Variants in CTDSPL observed in about 807,000 individuals in gnomAD.
CTDSPL encodes CTD small phosphatase like, also known as CTD small phosphatase-like protein.
CTDSPL carries 8 observed loss-of-function variants against 30.5 expected under a neutral mutation model. That is an observed-to-expected ratio of 0.26 (90% CI 0.15 to 0.47). CTDSPL has a LOEUF of 0.47. Ranked by LOEUF, CTDSPL falls within the 20% of genes least tolerant of loss-of-function variation. The pLI, the probability that CTDSPL is intolerant of heterozygous loss-of-function variation, is 0.99. For missense variants in CTDSPL, 248 were observed against 366.1 expected, an observed-to-expected ratio of 0.68 and a Z score of 2.63; for synonymous variants, 110 against 137.9, an observed-to-expected ratio of 0.80 and a Z score of 1.42.
At chr3:37,957,088 A>G (rs766180666) in intron 2 of CTDSPL, 23 bp from the exon 3 acceptor site, 2 of 1,512,610 alleles carry the variant, frequency 1.3e-6, no homozygotes, top group Non-Finnish European at 1.8e-6. Flanking sequence ...CCTGACAATG[A>G]TTTTTTTTTT....
intron 1 of CTDSPL, among the ~76,000 whole-genome samples, chr3:37,874,753 T>C (rs1023997762): frequency 1.3e-5 from 2 of 151,580 alleles, no homozygotes; most frequent in Non-Finnish European, 2.9e-5. Flanking sequence ...ATAATAATAA[T>C]AAATAAATAC....
At chr3:37,863,080 T>TG (rs1311629032) in intron 1 of CTDSPL, among the ~76,000 whole-genome samples, 2 of 152,110 alleles carry the variant, frequency 1.3e-5, no homozygotes, top group Admixed American at 1.3e-4. Flanking sequence ...TGCTGGAGTC[T>TG]GGGGGGGAGA....
At chr3:37,879,225 G>A (rs184440430) in intron 1 of CTDSPL, among the ~76,000 whole-genome samples, 4 of 152,346 alleles carry the variant, frequency 2.6e-5, no homozygotes, top group Admixed American at 1.3e-4. Flanking sequence ...TCACAATTCT[G>A]ATGGCCAACA....
intron 1 of CTDSPL, among the ~76,000 whole-genome samples, chr3:37,873,061 T>A (rs1053865536): frequency 1.3e-5 from 2 of 152,156 alleles, no homozygotes; most frequent in African/African-American, 4.8e-5. Context: ...GGAGTAGAAG[T>A]CCAAGGTGGC....
chr3:37,868,823 A>T (rs193256245), intron 1 of CTDSPL, among the ~76,000 whole-genome samples: 1 of 152,236 alleles, frequency 6.6e-6, no homozygotes, highest in East Asian at 1.9e-4. Flanking sequence ...ATAATAAGTC[A>T]TGATATAGAG....
intron 7 of CTDSPL, among the ~76,000 whole-genome samples, chr3:37,976,299 G>A (rs1341054378): frequency 1.3e-5 from 2 of 152,140 alleles, no homozygotes; most frequent in African/African-American, 4.8e-5. Context: ...CATGACCCCT[G>A]TAGACTAAGG....
At chr3:37,968,499 T>C (rs1316410045) in intron 5 of CTDSPL, 6 of 242,398 alleles carry the variant, frequency 2.5e-5, no homozygotes, top group Non-Finnish European at 3.4e-5. Flanking sequence ...AATAACTTCA[T>C]TTATGAACAA....
intron 4 of CTDSPL, among the ~76,000 whole-genome samples, chr3:37,966,664 T>C (rs1026338900): frequency 2.6e-5 from 4 of 152,250 alleles, no homozygotes; most frequent in Non-Finnish European, 4.4e-5. Context: ...GATCATAAGC[T>C]AAGTGCTTAG....
At chr3:37,919,576 G>T (rs1698689810) in intron 1 of CTDSPL, among the ~76,000 whole-genome samples, 1 of 152,204 alleles carries the variant, frequency 6.6e-6, no homozygotes, top group African/African-American at 2.4e-5. Context: ...ATAGTAGTAG[G>T]AGTTTTCTAA....
At chr3:37,938,858 ACTTT>A (rs1401736869) in intron 1 of CTDSPL, among the ~76,000 whole-genome samples, 2 of 149,136 alleles carry the variant, frequency 1.3e-5, no homozygotes, top group Non-Finnish European at 3.0e-5. Context: ...TAATTACAAC[ACTTT>A]CTTTCTAACC....
chr3:37,951,678 C>G lies in CTDSPL; in HGVS notation c.234+4467C>G, dbSNP rs1699109909. ...CCTGGGTGACAGAGCAAGATCCTGT[C>G]TCAAAAAGCAATGTAGAAATAAATA... On this transcript the variant is annotated intron_variant, in intron 2 of 7. Coordinates refer to ENST00000273179, the MANE Select transcript of CTDSPL (RefSeq NM_001008392.2). Among the ~76,000 whole-genome samples the G allele has an allele frequency of 2.6e-5, 4 of 151,864 alleles. No individual in the cohort carries two copies. In the South Asian group the frequency reaches 8.4e-4, roughly 32 times the overall value.
At chr3:37,945,575 C>T (rs191807596) in intron 1 of CTDSPL, among the ~76,000 whole-genome samples, 8 of 152,348 alleles carry the variant, frequency 5.3e-5, no homozygotes, top group Admixed American at 2.0e-4. Flanking sequence ...GCATGCCTGG[C>T]GGTCCCAATG....
Position 37,862,223 on chromosome 3 carries a change from C to T in CTDSPL, c.24C>T (p.Thr8=), listed in dbSNP as rs746389570. The T allele has an allele frequency of 6.8e-7, 1 of 1,470,544 alleles. No homozygotes were observed. Among genetic ancestry groups the T allele is most frequent in the South Asian group, 1.3e-5 (1 of 77,388 alleles). 91.1% of individuals were successfully genotyped at this position (1,470,544 alleles called of 1,614,324 possible). Residue 8 remains threonine, a synonymous_variant, in exon 1 of 8, where the codon ACC becomes ACT. Transcript: ENST00000273179. This position sits in a 1 kb window ranked among gnomAD's most constrained non-coding sequence, Gnocchi z 4.3. MDGPAII[T]QVTNPKEDEG... ...CCATGGACGGCCCGGCCATCATCAC[C>T]CAGGTGACCAACCCCAAGGAGGACG...
At chr3:37,941,531 A>C (rs1402317802) in intron 1 of CTDSPL, among the ~76,000 whole-genome samples, 1 of 148,236 alleles carries the variant, frequency 6.7e-6, no homozygotes, top group East Asian at 2.0e-4. Context: ...CTGGGATTAC[A>C]GGGGCCCGCC....
chr3:37,862,324 C>A lies in CTDSPL; in HGVS notation c.79+46C>A. The A allele has an allele frequency of 7.1e-7, 1 of 1,418,306 alleles. No homozygotes were observed. Among genetic ancestry groups the A allele is most frequent in the South Asian group, 1.4e-5 (1 of 69,204 alleles). The allele number at this position is 1,418,306 out of a possible 1,614,324, so 87.9% of individuals were successfully genotyped here. On this transcript the variant is annotated intron_variant, in intron 1 of 7. Coordinates refer to ENST00000273179, the MANE Select transcript of CTDSPL (RefSeq NM_001008392.2). The surrounding 1 kb of genome is among the most constrained non-coding windows in gnomAD (Gnocchi z 4.3). The stretch of plus-strand genomic sequence containing the variant: ...CCGCGGGCTGGGGGCGAGCGCACAC[C>A]CCGCGCCGCTGGAGTTCACTGCCGG...
rs568681295 is a variant in CTDSPL, at chr3:37,901,830, G to A, written c.79+39552G>A. Among the ~76,000 whole-genome samples the A allele has an allele frequency of 1.4e-4, 21 of 152,300 alleles. No homozygotes were observed. In the East Asian group the frequency reaches 3.9e-3, roughly 28 times the overall value. ...CAAAAATCAGAAAACCCAACCACAA[G>A]TAGCTTAAATATGTAGGTAGTTATC... On this transcript the variant is annotated intron_variant, in intron 1 of 7. Transcript: ENST00000273179.
intron 1 of CTDSPL, among the ~76,000 whole-genome samples, chr3:37,869,947 G>A (rs1356862531): frequency 9.9e-5 from 15 of 152,130 alleles, no homozygotes; most frequent in Admixed American, 8.5e-4. Context: ...TGCGTCCATG[G>A]AATGAACCTT....
intron 1 of CTDSPL, among the ~76,000 whole-genome samples, chr3:37,866,241 A>T (rs1453444005): frequency 1.3e-5 from 2 of 152,232 alleles, no homozygotes; most frequent in African/African-American, 4.8e-5. Flanking sequence ...CTAAACATAC[A>T]GATAGGTGAA....
At chr3:37,869,850 T>C (rs1455344456) in intron 1 of CTDSPL, among the ~76,000 whole-genome samples, 4 of 152,200 alleles carry the variant, frequency 2.6e-5, no homozygotes, top group Non-Finnish European at 5.9e-5. Flanking sequence ...ATGCTTTTTC[T>C]GCAACAATTA....
Sources: allele counts gnomAD v4.1 joint callset (sites outside exome capture counted in the v4.1 genomes callset), GRCh38; gene constraint gnomAD v4.1.1; non-coding constraint Gnocchi (gnomAD v3.1); transcripts MANE v1.5; gene names NCBI Gene and HGNC (gene_info 2026-07-23, HGNC 2026-07-21).